Variants in NF1 observed in about 807,000 individuals in gnomAD.
The protein encoded by NF1 is neurofibromin.
NF1 carries 122 observed loss-of-function variants against 325.7 expected under a neutral mutation model. The ratio of observed to expected loss-of-function variants is 0.37; its 90% confidence interval spans 0.32 to 0.44. NF1 has a LOEUF of 0.44. NF1 is among the 20% of genes least tolerant of loss of function. The probability of loss-of-function intolerance (pLI) is 1.00; values close to 1 mark genes in which losing one functional copy is unlikely to be tolerated. For synonymous variants in NF1, 1,091 were observed against 1,186.0 expected (o/e 0.92, Z 1.65); for missense variants, 2,140 against 3,415.4 (o/e 0.63, Z 9.31).
chr17:31,123,561 A>C (rs1914616580), intron 1 of NF1, among the ~76,000 whole-genome samples: 1 of 152,218 alleles, frequency 6.6e-6, no homozygotes, highest in Non-Finnish European at 1.5e-5. Context: ...TTGGGATTAC[A>C]GGCATGAGCC....
At chr17:31,184,015 T>C (rs896868037) in intron 8 of NF1, among the ~76,000 whole-genome samples, 8 of 152,070 alleles carry the variant, frequency 5.3e-5, no homozygotes, top group African/African-American at 1.9e-4. Context: ...AGAACCCTAA[T>C]AGAGATTTTG....
At chr17:31,356,124 A>C (rs2070263707) in intron 51 of NF1, 2 of 238,132 alleles carry the variant, frequency 8.4e-6, no homozygotes, top group South Asian at 1.2e-4. Flanking sequence ...GACCTTTGCT[A>C]CTGAATAATG....
chr17:31,324,162 G>C (rs2069284460), intron 36 of NF1, among the ~76,000 whole-genome samples: 1 of 152,174 alleles, frequency 6.6e-6, no homozygotes, highest in Non-Finnish European at 1.5e-5. Flanking sequence ...CCCCTCCCAG[G>C]TTCAAGCAAT....
chr17:31,314,839 A>C (rs1374422320), intron 36 of NF1, among the ~76,000 whole-genome samples: 1 of 152,190 alleles, frequency 6.6e-6, no homozygotes, highest in Non-Finnish European at 1.5e-5. Context: ...TTGCTGGATC[A>C]TATGATAGCT....
At chr17:31,192,996 A>G (rs1315721157) in intron 8 of NF1, among the ~76,000 whole-genome samples, 1 of 152,084 alleles carries the variant, frequency 6.6e-6, no homozygotes, top group African/African-American at 2.4e-5. Context: ...GAATCCCACT[A>G]ATTTCTTTTT....
chr17:31,376,878 G>A lies in NF1; in HGVS notation c.*2723G>A. On this transcript the variant is annotated 3_prime_UTR_variant, in exon 58 of 58. Coordinates refer to ENST00000358273, the MANE Select transcript of NF1 (RefSeq NM_001042492.3). ...GGAGATGCAGTTCAGTAGATTTGGG[G>A]CAAAGTGGCTACAGCTCTGTCTTCC... is the stretch of plus-strand genomic sequence containing the variant. The A allele has an allele frequency of 4.3e-6, 1 of 233,208 alleles. No homozygotes were observed. The highest frequency in any genetic ancestry group is 8.5e-6 in the Non-Finnish European group (1 of 118,040). 14.4% of individuals were successfully genotyped at this position (233,208 alleles called of 1,614,324 possible). A position where few individuals can be genotyped will look rare whatever the true frequency, so the allele number is the denominator to read the frequency against.
intron 1 of NF1, among the ~76,000 whole-genome samples, chr17:31,133,952 T>A (rs950709843): frequency 6.6e-6 from 1 of 152,238 alleles, no homozygotes; most frequent in Non-Finnish European, 1.5e-5. Flanking sequence ...CCACTGCGTC[T>A]GGCCTTATTT....
chr17:31,101,054 C>G (rs866172556), intron 1 of NF1, among the ~76,000 whole-genome samples: 134 of 151,808 alleles, frequency 8.8e-4, no homozygotes, highest in African/African-American at 3.2e-3. Flanking sequence ...AGCTCTCTCT[C>G]TGTGGACCAG....
chr17:31,103,982 C>G (rs891419849), intron 1 of NF1, among the ~76,000 whole-genome samples: 3 of 152,092 alleles, frequency 2.0e-5, no homozygotes, highest in Admixed American at 6.6e-5. Context: ...GATTGCACCA[C>G]TGCACTCTGG....
At chr17:31,160,789 A>G (rs1210387197) in intron 3 of NF1, among the ~76,000 whole-genome samples, 1 of 152,160 alleles carries the variant, frequency 6.6e-6, no homozygotes, top group East Asian at 1.9e-4. Context: ...TATTTTGGAG[A>G]ATGATTACCG....
At chr17:31,256,359 G>A (rs2067583569) in intron 31 of NF1, among the ~76,000 whole-genome samples, 1 of 152,100 alleles carries the variant, frequency 6.6e-6, no homozygotes, top group Non-Finnish European at 1.5e-5. Context: ...GGCTGGTTTC[G>A]AACTCCTAGC....
chr17:31,243,568 A>G (rs1159161271), intron 29 of NF1, among the ~76,000 whole-genome samples: 2 of 151,724 alleles, frequency 1.3e-5, no homozygotes, highest in East Asian at 2.0e-4. Context: ...TCTCAAGCAG[A>G]GGAGTCTTTT....
intron 12 of NF1, among the ~76,000 whole-genome samples, chr17:31,207,437 A>G (rs1321686363): frequency 1.3e-5 from 2 of 152,088 alleles, no homozygotes; most frequent in East Asian, 1.9e-4. Context: ...GGTTTTATAC[A>G]GTTGTGGTTC....
intron 11 of NF1, 92 bp downstream of exon 11, chr17:31,201,577 C>A: frequency 1.1e-6 from 1 of 921,200 alleles, no homozygotes; most frequent in South Asian, 1.4e-5. Flanking sequence ...TCTTGGTTTT[C>A]AAAAAGGTTC....
At chr17:31,320,613 A>C in intron 36 of NF1, 1 of 494,024 alleles carries the variant, frequency 2.0e-6, no homozygotes, top group Non-Finnish European at 3.6e-6. Context: ...ACTATATTTC[A>C]TATTAATAGT....
intron 21 of NF1, 48 bp downstream of exon 21, chr17:31,229,513 T>C (rs1271985761): frequency 2.5e-5 from 39 of 1,575,306 alleles, no homozygotes; most frequent in Non-Finnish European, 3.3e-5. Flanking sequence ...TAGAGTGACT[T>C]GTTTGAAATA....
chr17:31,167,056 G>A (rs1029186803), intron 4 of NF1, among the ~76,000 whole-genome samples: 9 of 151,930 alleles, frequency 5.9e-5, no homozygotes, highest in African/African-American at 1.5e-4. Flanking sequence ...TCTCTGCTTC[G>A]GAAATGATGT....
chr17:31,230,715 A>G, intron 23 of NF1, 127 bp from the exon 24 acceptor site: 1 of 768,676 alleles, frequency 1.3e-6, no homozygotes, highest in Non-Finnish European at 2.3e-6. Flanking sequence ...TCTCTTTTAT[A>G]AAGTCGTCAT....
intron 1 of NF1, among the ~76,000 whole-genome samples, chr17:31,103,296 G>A (rs1912529673): frequency 6.6e-6 from 1 of 152,024 alleles, no homozygotes; most frequent in African/African-American, 2.4e-5. Flanking sequence ...AGGCTGGAGT[G>A]TAGTGGTACA....
Sources: gnomAD v4.1 joint callset for allele counts (sites outside exome capture counted in the v4.1 genomes callset) on GRCh38, gnomAD v4.1.1 for gene constraint, MANE v1.5 for transcripts, NCBI Gene and HGNC (gene_info 2026-07-23, HGNC 2026-07-21) for gene names.